Variants in HS3ST4 observed in about 807,000 individuals in gnomAD.
HS3ST4 encodes the protein heparan sulfate-glucosamine 3-sulfotransferase 4, also known as heparan sulfate glucosamine 3-O-sulfotransferase 4.
A neutral mutation model predicts 29.2 loss-of-function variants in HS3ST4; 17 were observed. The observed-to-expected ratio is 0.58, with a 90% confidence interval of 0.40 to 0.87. HS3ST4 has a LOEUF of 0.87. HS3ST4 is among the 40% of genes least tolerant of loss of function. HS3ST4 has a pLI of 0.00. For missense variants in HS3ST4, 627 were observed against 634.5 expected (o/e 0.99, Z 0.13); for synonymous variants, 314 against 285.7 (o/e 1.10, Z -1.00).
At chr16:25,985,851 AT>A (rs1969057136) in intron 1 of HS3ST4, among the ~76,000 whole-genome samples, 1 of 151,804 alleles carries the variant, frequency 6.6e-6, no homozygotes, top group African/African-American at 2.4e-5. Context: ...ATGCCAGGCA[AT>A]TTTTAAATAT....
At chr16:25,849,674 T>C (rs1349085362) in intron 1 of HS3ST4, among the ~76,000 whole-genome samples, 1 of 152,048 alleles carries the variant, frequency 6.6e-6, no homozygotes, top group Non-Finnish European at 1.5e-5. Context: ...CCAGCTAATA[T>C]TACGTATGTT....
intron 1 of HS3ST4, among the ~76,000 whole-genome samples, chr16:25,712,270 C>T (rs1301437444): frequency 6.6e-6 from 1 of 152,110 alleles, no homozygotes; most frequent in Non-Finnish European, 1.5e-5. Context: ...CTCTATACTC[C>T]CAGCACTTTC....
At chr16:26,049,768 C>A (rs989727774) in intron 1 of HS3ST4, among the ~76,000 whole-genome samples, 1 of 152,168 alleles carries the variant, frequency 6.6e-6, no homozygotes, top group South Asian at 2.1e-4. Context: ...GGCTACAAAT[C>A]GGGCTTCTCA....
At chr16:26,056,205 C>T (rs1596665559) in intron 1 of HS3ST4, among the ~76,000 whole-genome samples, 2 of 152,194 alleles carry the variant, frequency 1.3e-5, no homozygotes, top group African/African-American at 2.4e-5. Flanking sequence ...TCTCACGAAT[C>T]CTTGTCAATT....
At chr16:25,864,455 A>G (rs1967672815) in intron 1 of HS3ST4, among the ~76,000 whole-genome samples, 1 of 152,046 alleles carries the variant, frequency 6.6e-6, no homozygotes, top group South Asian at 2.1e-4. Context: ...AACCTTAACT[A>G]CTATAGTTAT....
At chr16:26,014,908 T>A (rs1969348768) in intron 1 of HS3ST4, among the ~76,000 whole-genome samples, 1 of 152,156 alleles carries the variant, frequency 6.6e-6, no homozygotes, top group African/African-American at 2.4e-5. Flanking sequence ...CCACCACACC[T>A]TTGTGGTTAA....
intron 1 of HS3ST4, among the ~76,000 whole-genome samples, chr16:25,730,285 T>C (rs1307326678): frequency 6.6e-6 from 1 of 152,134 alleles, no homozygotes; most frequent in Admixed American, 6.6e-5. Flanking sequence ...AGAAAGTTGG[T>C]ACTAGAACAG....
chr16:26,127,746 C>T (rs1448865458), intron 1 of HS3ST4, among the ~76,000 whole-genome samples: 1 of 152,208 alleles, frequency 6.6e-6, no homozygotes, highest in Non-Finnish European at 1.5e-5. Flanking sequence ...TCTACCTTCT[C>T]AGCCTGCTTT....
At chr16:25,995,598 C>T (rs1199210548) in intron 1 of HS3ST4, among the ~76,000 whole-genome samples, 6 of 152,274 alleles carry the variant, frequency 3.9e-5, no homozygotes, top group African/African-American at 1.2e-4. Context: ...TTGGTTGTGT[C>T]TCAATCGTGT....
chr16:25,997,927 TTC>T (rs1413038127), intron 1 of HS3ST4, among the ~76,000 whole-genome samples: 1 of 152,180 alleles, frequency 6.6e-6, no homozygotes, highest in Non-Finnish European at 1.5e-5. Context: ...CAGATATCTT[TTC>T]TGTCTTTTCA....
At chr16:25,950,235 T>G (rs892710412) in intron 1 of HS3ST4, among the ~76,000 whole-genome samples, 3 of 152,160 alleles carry the variant, frequency 2.0e-5, no homozygotes, top group African/African-American at 7.2e-5. Context: ...CCTTGAGTGG[T>G]CCTTTGGCCT....
At chr16:26,098,523 G>A (rs1898955108) in intron 1 of HS3ST4, among the ~76,000 whole-genome samples, 1 of 152,104 alleles carries the variant, frequency 6.6e-6, no homozygotes, top group Non-Finnish European at 1.5e-5. Context: ...TCATGGGTGG[G>A]AACTGAACAA....
chr16:26,043,356 C>T (rs1209558457), intron 1 of HS3ST4, among the ~76,000 whole-genome samples: 2 of 152,160 alleles, frequency 1.3e-5, no homozygotes, highest in African/African-American at 2.4e-5. Flanking sequence ...TGAAATCTCT[C>T]ATACCTCTCC....
At chr16:25,816,865 G>A (rs1045423020) in intron 1 of HS3ST4, among the ~76,000 whole-genome samples, 1 of 152,052 alleles carries the variant, frequency 6.6e-6, no homozygotes, top group African/African-American at 2.4e-5. Flanking sequence ...GAATGTTCTA[G>A]CCTAGGTCTC....
At chr16:26,101,290 C>T (rs774296094) in intron 1 of HS3ST4, among the ~76,000 whole-genome samples, 31 of 152,224 alleles carry the variant, frequency 2.0e-4, no homozygotes, top group Admixed American at 2.6e-4. Context: ...TTAGCTTGCT[C>T]TTCCTGCAGA....
At chr16:25,899,502 A>T (rs1399817053) in intron 1 of HS3ST4, among the ~76,000 whole-genome samples, 2 of 82,188 alleles carry the variant, frequency 2.4e-5, no homozygotes, top group Non-Finnish European at 6.3e-5. Flanking sequence ...ACTCCTTTTT[A>T]AATTTTTTTT....
At chr16:25,724,393 T>C (rs1251838025) in intron 1 of HS3ST4, among the ~76,000 whole-genome samples, 1 of 150,336 alleles carries the variant, frequency 6.7e-6, no homozygotes, top group Admixed American at 6.7e-5. Flanking sequence ...AGATGGAGTC[T>C]TGCTCTGTCA....
intron 1 of HS3ST4, among the ~76,000 whole-genome samples, chr16:25,925,120 C>G (rs1479191309): frequency 2.0e-5 from 3 of 151,428 alleles, no homozygotes; most frequent in Non-Finnish European, 4.4e-5. Context: ...TCTCTCCAGG[C>G]TGTTGTAAAT....
At chr16:26,006,338 C>A (rs905885944) in intron 1 of HS3ST4, among the ~76,000 whole-genome samples, 1 of 133,980 alleles carries the variant, frequency 7.5e-6, no homozygotes, top group African/African-American at 2.8e-5. Flanking sequence ...GGCTCAAGTA[C>A]AGTTTTGTTT....
Sources: allele counts gnomAD v4.1 joint callset (sites outside exome capture counted in the v4.1 genomes callset), GRCh38; gene constraint gnomAD v4.1.1; transcripts MANE v1.5; gene names NCBI Gene and HGNC (gene_info 2026-07-23, HGNC 2026-07-21).